The following CHMP3 variants were observed in gnomAD, a reference collection of about 807,000 sequenced individuals.
CHMP3 encodes charged multivesicular body protein 3.
In CHMP3, 8 loss-of-function variants were observed where a neutral mutation model predicts 27.4. The observed-to-expected ratio is 0.29, with a 90% confidence interval of 0.17 to 0.53. The LOEUF (loss-of-function observed/expected upper bound fraction) is 0.53. Ranked by LOEUF, CHMP3 falls within the 20% of genes least tolerant of loss-of-function variation. The probability of loss-of-function intolerance (pLI) is 0.96; values close to 1 mark genes in which losing one functional copy is unlikely to be tolerated. For missense variants in CHMP3, 208 were observed against 271.5 expected (o/e 0.77, Z 1.64); for synonymous variants, 86 against 85.5 (o/e 1.01, Z -0.03).
chr2:86,548,417 C>G (rs1302916385), intron 1 of CHMP3, among the ~76,000 whole-genome samples: 1 of 152,120 alleles, frequency 6.6e-6, no homozygotes, highest in Non-Finnish European at 1.5e-5. Flanking sequence ...CTTCAAGCAT[C>G]TGTTTAACAA....
intron 3 of CHMP3, among the ~76,000 whole-genome samples, chr2:86,515,916 G>T (rs1000260214): frequency 3.3e-5 from 5 of 151,904 alleles, no homozygotes. Flanking sequence ...CCAATACTTT[G>T]TGAGGCTGAT....
chr2:86,515,223 G>C (rs1166138985), intron 3 of CHMP3: 1 of 152,032 alleles, frequency 6.6e-6, no homozygotes, highest in Non-Finnish European at 1.5e-5. Flanking sequence ...GAATGCTTCA[G>C]AAGTTTGTAT....
At chr2:86,518,548 TG>T (rs1326291871) in intron 3 of CHMP3, among the ~76,000 whole-genome samples, 1 of 152,076 alleles carries the variant, frequency 6.6e-6, no homozygotes, top group Non-Finnish European at 1.5e-5. Flanking sequence ...CTCAAAAGTG[TG>T]AGTTGATTCC....
intron 1 of CHMP3, chr2:86,562,943 G>A (rs747460768): frequency 3.5e-5 from 7 of 202,862 alleles, no homozygotes; most frequent in Non-Finnish European, 6.9e-5. Context: ...GTCCGCAGCC[G>A]GGCTGGAGGG....
chr2:86,518,704 C>A (rs189817022), intron 3 of CHMP3, among the ~76,000 whole-genome samples: 1 of 152,122 alleles, frequency 6.6e-6, no homozygotes, highest in East Asian at 1.9e-4. Flanking sequence ...GTAGCAGCAC[C>A]CCTTTTCCTC....
Position 86,528,037 on chromosome 2 carries a change from A to AT in CHMP3, c.286+1180dup, listed in dbSNP as rs938452065. On this transcript the variant is annotated intron_variant, in intron 3 of 5. Coordinates refer to ENST00000263856, the MANE Select transcript of CHMP3 (RefSeq NM_016079.4). The stretch of plus-strand genomic sequence containing the variant: ...GATGATGTGGTACAAACATTTTGTC[A>AT]TTTTTTTTTTACTCTTTCCCAGCCC... Among the ~76,000 whole-genome samples, 396 of 149,854 alleles carry AT rather than the reference A, an allele frequency of 2.6e-3. 2 individuals carry two copies. Among genetic ancestry groups the AT allele is most frequent in the African/African-American group, 9.2e-3 (376 of 40,934 alleles).
At chr2:86,524,649 T>C (rs1675632563) in intron 3 of CHMP3, among the ~76,000 whole-genome samples, 1 of 152,154 alleles carries the variant, frequency 6.6e-6, no homozygotes, top group Admixed American at 6.5e-5. Context: ...CAAATTTTGG[T>C]ATCTGTGGGG....
Position 86,522,571 on chromosome 2 carries a change from C to T in CHMP3, c.286+6647G>A, listed in dbSNP as rs185088233. Among the ~76,000 whole-genome samples the T allele has an allele frequency of 3.9e-5, 6 of 152,244 alleles. No homozygotes were observed. In the East Asian group the frequency reaches 1.2e-3, roughly 29 times the overall value. On this transcript the variant is annotated intron_variant, in intron 3 of 5. Coordinates refer to ENST00000263856, the MANE Select transcript of CHMP3 (RefSeq NM_016079.4). The stretch of plus-strand genomic sequence containing the variant: ...AGACCTGTTCCTCTCCCTGTGTTTC[C>T]AGTGTCTGTTAATGGCCCTGCAGTC...
Position 86,535,994 on chromosome 2 carries a change from C to CTTTTT in CHMP3, c.106+6253_106+6257dup, listed in dbSNP as rs60555193. 1.3e-3 allele frequency among the ~76,000 whole-genome samples: 148 copies of CTTTTT among 111,522 alleles called. 6 individuals are homozygous for CTTTTT. The highest frequency in any genetic ancestry group is 2.9e-3 in the East Asian group (11 of 3,750). The allele number at this position is 111,522 out of a possible 152,430, so 73.2% of individuals were successfully genotyped here. ...ACAAAAAGTAGAGTTATAAACCTTT[C>CTTTTT]TTTTTTTTTTTTTTTTTTTGAGACG... On this transcript the variant is annotated intron_variant, in intron 2 of 5. Transcript: ENST00000263856.
At chr2:86,529,019 T>A (rs758235964) in intron 3 of CHMP3, among the ~76,000 whole-genome samples, 199 bp downstream of exon 3, 4 of 152,240 alleles carry the variant, frequency 2.6e-5, no homozygotes, top group African/African-American at 9.6e-5. Flanking sequence ...GATTTATATG[T>A]AGATTTCATT....
At chr2:86,508,230 C>T (rs985797564) in intron 4 of CHMP3, among the ~76,000 whole-genome samples, 2 of 152,168 alleles carry the variant, frequency 1.3e-5, no homozygotes, top group African/African-American at 2.4e-5. Flanking sequence ...AGTCCTGTGC[C>T]TGGCAGCCTG....
At chr2:86,514,274 C>T (rs1675212625) in intron 3 of CHMP3, among the ~76,000 whole-genome samples, 1 of 152,126 alleles carries the variant, frequency 6.6e-6, no homozygotes, top group South Asian at 2.1e-4. Context: ...CCACAGTGGT[C>T]AAGTTTTCCG....
intron 2 of CHMP3, among the ~76,000 whole-genome samples, chr2:86,538,768 A>C (rs992669151): frequency 1.3e-5 from 2 of 152,194 alleles, no homozygotes; most frequent in African/African-American, 4.8e-5. Flanking sequence ...TGAAAACTAA[A>C]AATGTGGACT....
intron 1 of CHMP3, among the ~76,000 whole-genome samples, chr2:86,548,053 C>T (rs1676680341): frequency 6.6e-6 from 1 of 152,090 alleles, no homozygotes; most frequent in Admixed American, 6.6e-5. Context: ...TGATTGAATT[C>T]CTGTTCCATC....
chr2:86,514,750 CCTAT>C (rs1675231492), intron 3 of CHMP3, among the ~76,000 whole-genome samples: 1 of 152,080 alleles, frequency 6.6e-6, no homozygotes, highest in Admixed American at 6.6e-5. Flanking sequence ...AACAGAAATT[CCTAT>C]CTAAAATCTT....
intron 1 of CHMP3, among the ~76,000 whole-genome samples, chr2:86,549,626 C>T (rs543809957): frequency 2.4e-4 from 36 of 149,398 alleles, no homozygotes; most frequent in Middle Eastern, 3.7e-3. Context: ...GCACTCCTCA[C>T]CTCCCAGACG....
chr2:86,511,016 T>C (rs1249106118), intron 3 of CHMP3: 1 of 152,354 alleles, frequency 6.6e-6, no homozygotes, highest in East Asian at 1.9e-4. Flanking sequence ...AAAAACCTTC[T>C]GTAGTCTGAG....
At chr2:86,523,748 G>A (rs559842975) in intron 3 of CHMP3, among the ~76,000 whole-genome samples, 1 of 152,230 alleles carries the variant, frequency 6.6e-6, no homozygotes, top group East Asian at 1.9e-4. Context: ...GGAAAGAAGA[G>A]GATGATTGGG....
intron 3 of CHMP3, among the ~76,000 whole-genome samples, chr2:86,519,268 G>C (rs1489715411): frequency 6.6e-6 from 1 of 151,806 alleles, no homozygotes; most frequent in East Asian, 1.9e-4. Flanking sequence ...CAGCTACTTG[G>C]GAGGCTGAGT....
Sources: allele counts gnomAD v4.1 joint callset (sites outside exome capture counted in the v4.1 genomes callset), GRCh38; gene constraint gnomAD v4.1.1; transcripts MANE v1.5; gene names NCBI Gene and HGNC (gene_info 2026-07-23, HGNC 2026-07-21).